The following SAMD5 variants were observed in gnomAD, a reference collection of about 807,000 sequenced individuals.
SAMD5 encodes the protein sterile alpha motif domain-containing protein 5.
SAMD5 carries 13 observed loss-of-function variants against 11.3 expected under a neutral mutation model. That is an observed-to-expected ratio of 1.15 (90% CI 0.75 to 1.83). The LOEUF is 1.83. SAMD5 is among the 40% of genes most tolerant of loss of function. SAMD5 has a pLI of 0.00. For missense variants in SAMD5, 255 were observed against 239.1 expected, an observed-to-expected ratio of 1.07 and a Z score of -0.44; for synonymous variants, 129 against 111.3, an observed-to-expected ratio of 1.16 and a Z score of -1.00.
intron 1 of SAMD5, among the ~76,000 whole-genome samples, chr6:147,608,121 C>G (rs1336004125): frequency 6.6e-6 from 1 of 152,044 alleles, no homozygotes; most frequent in African/African-American, 2.4e-5. Context: ...GGCTTATATC[C>G]AAAAGACAGG....
At chr6:147,740,191 G>A (rs1388245139), downstream of SAMD5, among the ~76,000 whole-genome samples, 2 of 152,120 alleles carry the variant, frequency 1.3e-5, no homozygotes, top group Non-Finnish European at 2.9e-5. Context: ...ATTATGACTT[G>A]CTTCATTTTT....
chr6:147,823,521 A>G, the SAMD5 span, among the ~76,000 whole-genome samples: 1 of 152,232 alleles, frequency 6.6e-6, no homozygotes, highest in Middle Eastern at 3.2e-3. Context: ...TCGTACCTGG[A>G]TACCTACCTT....
At chr6:147,620,987 T>TGC (rs764649364) in intron 1 of SAMD5, among the ~76,000 whole-genome samples, 2 of 86,366 alleles carry the variant, frequency 2.3e-5, no homozygotes, top group Non-Finnish European at 7.0e-5. Context: ...TGTGTGTGTG[T>TGC]GTGCGCGCGC....
chr6:147,522,047 TCA>T (rs1256507694), intron 1 of SAMD5, among the ~76,000 whole-genome samples: 1 of 152,174 alleles, frequency 6.6e-6, no homozygotes, highest in Non-Finnish European at 1.5e-5. Context: ...TGTTTTTGTT[TCA>T]TTTTTACATG....
In SAMD5 at chr6:147,649,584, G is replaced by A. The variant is rs1790453316; in HGVS notation, c.163-87733G>A. Among the ~76,000 whole-genome samples the A allele has an allele frequency of 2.0e-5, 3 of 152,102 alleles. No homozygotes were observed. The South Asian group carries it at 6.2e-4, about 32-fold the overall frequency. On this transcript the variant is annotated intron_variant, in intron 1 of 1. Transcript: ENST00000566741. ...AGGCAGGCAGATCACCTGAGGTCAC[G>A]AGTTCGAGACCAGCCTGGCCAACAT...
At chr6:147,545,102 A>G (rs1788665250) in intron 1 of SAMD5, among the ~76,000 whole-genome samples, 1 of 152,218 alleles carries the variant, frequency 6.6e-6, no homozygotes, top group African/African-American at 2.4e-5. Context: ...TGCATTAAAA[A>G]TGATGATGAT....
chr6:147,782,398 A>G, the SAMD5 span, among the ~76,000 whole-genome samples: 5 of 152,204 alleles, frequency 3.3e-5, no homozygotes, highest in African/African-American at 1.2e-4. Context: ...TGGCAGCTTG[A>G]CAGAAGGATA....
chr6:147,777,421 G>A, the SAMD5 span, among the ~76,000 whole-genome samples: 4 of 152,042 alleles, frequency 2.6e-5, no homozygotes, highest in South Asian at 2.1e-4. Context: ...TTCCTTCCAC[G>A]AAACTATTTG....
At position 147,569,543 on chromosome 6, in the gene SAMD5, T is replaced by A; in HGVS notation, c.*5087T>A. The stretch of plus-strand genomic sequence containing the variant: ...GTATATTCTGTATAATACCCTTAAT[T>A]AGATGAATTATCCCTTATCATTCCA... On this transcript the variant is annotated 3_prime_UTR_variant, in exon 2 of 2. Transcript: ENST00000367474. 2 of 901,422 alleles carry A rather than the reference T, an allele frequency of 2.2e-6. No homozygotes were observed. The highest frequency in any genetic ancestry group is 2.7e-6 in the Non-Finnish European group (2 of 753,510). 55.8% of individuals were successfully genotyped at this position (901,422 alleles called of 1,614,324 possible).
At chr6:147,817,787 A>C in the SAMD5 span, among the ~76,000 whole-genome samples, 19 of 152,062 alleles carry the variant, frequency 1.2e-4, no homozygotes, top group African/African-American at 4.3e-4. Context: ...TTATCATTCA[A>C]TTTTCACATA....
At chr6:147,827,890 C>T in the SAMD5 span, among the ~76,000 whole-genome samples, 3 of 151,678 alleles carry the variant, frequency 2.0e-5, no homozygotes, top group South Asian at 6.2e-4. Flanking sequence ...CCCGGGTTCA[C>T]GCCATTCTCC....
intron 1 of SAMD5, among the ~76,000 whole-genome samples, chr6:147,587,637 C>T (rs1432780549): frequency 2.0e-5 from 3 of 152,144 alleles, no homozygotes; most frequent in Admixed American, 1.3e-4. Context: ...ATCATCTACT[C>T]CCATGTTATA....
the SAMD5 span, among the ~76,000 whole-genome samples, chr6:147,803,129 T>C: frequency 8.4e-6 from 1 of 119,642 alleles, no homozygotes. Flanking sequence ...TGGCCTTCCT[T>C]TCTGTGTGTG....
At chr6:147,878,376 A>G in the SAMD5 span, among the ~76,000 whole-genome samples, 4 of 151,772 alleles carry the variant, frequency 2.6e-5, no homozygotes, top group Non-Finnish European at 5.9e-5. Flanking sequence ...CTCTAATCCC[A>G]TTCATGAAGT....
the SAMD5 span, among the ~76,000 whole-genome samples, chr6:147,877,836 T>G: frequency 2.0e-5 from 3 of 147,356 alleles, no homozygotes; most frequent in South Asian, 2.2e-4. Flanking sequence ...CCCTCTCTCC[T>G]TTTATATAAA....
Position 147,613,250 on chromosome 6 carries a change from G to A in SAMD5, c.162+103863G>A, listed in dbSNP as rs1789812046. On this transcript the variant is annotated intron_variant, in intron 1 of 1. Transcript: ENST00000566741. ...CCTTCCTGCACCCCCTAGAGCAGCT[G>A]TGTAGTACAGGAGGAGTGCGTCTAG... is the stretch of plus-strand genomic sequence containing the variant. Among the ~76,000 whole-genome samples the A allele has an allele frequency of 3.9e-5, 6 of 151,922 alleles. 1 individual carries two copies. In the South Asian group the frequency reaches 1.2e-3, roughly 32 times the overall value.
At chr6:147,550,061 A>G (rs984897270) in intron 1 of SAMD5, among the ~76,000 whole-genome samples, 3 of 151,674 alleles carry the variant, frequency 2.0e-5, no homozygotes, top group Admixed American at 2.0e-4. Context: ...CCTGGGCAAC[A>G]TAGCAAGACC....
intron 1 of SAMD5, among the ~76,000 whole-genome samples, chr6:147,578,761 T>C (rs11752472): frequency 0.35 from 52,350 of 150,982 alleles, 9,136 homozygotes; most frequent in East Asian, 0.36. Context: ...TTATATTTCA[T>C]ACAGAACATC....
intron 1 of SAMD5, among the ~76,000 whole-genome samples, chr6:147,599,780 T>C (rs1380713138): frequency 6.6e-6 from 1 of 152,242 alleles, no homozygotes; most frequent in Non-Finnish European, 1.5e-5. Flanking sequence ...ACTACCAGGC[T>C]GGTCATTGGC....
Sources: gnomAD v4.1 joint callset for allele counts (sites outside exome capture counted in the v4.1 genomes callset) on GRCh38, gnomAD v4.1.1 for gene constraint, MANE v1.5 for transcripts, NCBI Gene and HGNC (gene_info 2026-07-23, HGNC 2026-07-21) for gene names.